Variants in OXSR1 observed in about 807,000 individuals in gnomAD.
The protein encoded by OXSR1 is oxidative stress responsive kinase 1.
Under a neutral mutation model 79.8 loss-of-function variants are expected in OXSR1, and 24 were observed. The ratio of observed to expected loss-of-function variants is 0.30; its 90% CI spans 0.22 to 0.42. OXSR1 has a LOEUF of 0.42. OXSR1 is among the 10% of genes least tolerant of loss of function. OXSR1 has a pLI of 1.00. For synonymous variants in OXSR1, 226 were observed against 209.2 expected, an observed-to-expected ratio of 1.08 and a Z score of -0.69; for missense variants, 430 against 618.4, an observed-to-expected ratio of 0.70 and a Z score of 3.23.
intron 13 of OXSR1, among the ~76,000 whole-genome samples, chr3:38,246,752 A>C (rs1157865648): frequency 6.6e-6 from 1 of 152,184 alleles, no homozygotes; most frequent in Non-Finnish European, 1.5e-5. Flanking sequence ...CTTCATTGAG[A>C]GCAGCCAAGT....
At chr3:38,212,429 T>A (rs1022486009) in intron 4 of OXSR1, among the ~76,000 whole-genome samples, 32 of 152,194 alleles carry the variant, frequency 2.1e-4, no homozygotes, top group African/African-American at 6.5e-4. Context: ...AAATCAGACT[T>A]TTCTCTCTGT....
chr3:38,200,088 G>A (rs1702136135), intron 4 of OXSR1, among the ~76,000 whole-genome samples: 1 of 152,184 alleles, frequency 6.6e-6, no homozygotes, highest in South Asian at 2.1e-4. Flanking sequence ...CCTACCGGCT[G>A]TACTGCATAT....
At chr3:38,180,525 CTT>C (rs35081111) in intron 1 of OXSR1, among the ~76,000 whole-genome samples, 12 of 108,968 alleles carry the variant, frequency 1.1e-4, no homozygotes, top group African/African-American at 2.5e-4. Flanking sequence ...ATAGCTCCAA[CTT>C]TTTTTTTTTT....
intron 3 of OXSR1, chr3:38,193,547 C>G: frequency 2.2e-6 from 1 of 458,738 alleles, no homozygotes. Flanking sequence ...AATAAATTGT[C>G]TGCTTAATTC....
chr3:38,165,579 T>TGGGGTGGA lies in OXSR1; in HGVS notation c.-295_-294insGTGGAGGG. 2.4e-6 allele frequency: 1 copy of TGGGGTGGA among 409,524 alleles called. No individual in the cohort carries two copies. Among genetic ancestry groups the TGGGGTGGA allele is most frequent in the Non-Finnish European group, 4.4e-6 (1 of 228,554 alleles). 25.4% of individuals were successfully genotyped at this position (409,524 alleles called of 1,614,324 possible). ...GGGGTGGAGGGCGGGACAGAGGGGC[T>TGGGGTGGA]GGGCCCAGGCAAAGCTTCTGTCGCT... is the stretch of plus-strand genomic sequence containing the variant. On this transcript the variant is annotated 5_prime_UTR_variant, in exon 1 of 18. Transcript: ENST00000311806.
At chr3:38,176,532 T>A (rs1443157565) in intron 1 of OXSR1, among the ~76,000 whole-genome samples, 2 of 152,228 alleles carry the variant, frequency 1.3e-5, no homozygotes, top group Non-Finnish European at 2.9e-5. Context: ...TAAAATACTT[T>A]TCAATTGCTG....
chr3:38,237,259 A>C (rs1239214246), intron 11 of OXSR1, among the ~76,000 whole-genome samples: 1 of 152,196 alleles, frequency 6.6e-6, no homozygotes, highest in African/African-American at 2.4e-5. Flanking sequence ...GCAGAAGAAA[A>C]GTTAGTGAAC....
intron 1 of OXSR1, among the ~76,000 whole-genome samples, chr3:38,168,411 G>C (rs1701509606): frequency 6.6e-6 from 1 of 151,992 alleles, no homozygotes; most frequent in Non-Finnish European, 1.5e-5. Flanking sequence ...CTATGGACTT[G>C]CCTTTTTTGG....
intron 4 of OXSR1, among the ~76,000 whole-genome samples, chr3:38,210,973 A>G (rs908729154): frequency 2.6e-5 from 4 of 152,192 alleles, no homozygotes; most frequent in African/African-American, 9.7e-5. Context: ...CACTATTATT[A>G]CATCTTTGCC....
chr3:38,202,977 C>G (rs1257985789), intron 4 of OXSR1, among the ~76,000 whole-genome samples: 1 of 152,180 alleles, frequency 6.6e-6, no homozygotes, highest in African/African-American at 2.4e-5. Context: ...TTGTAGAAGG[C>G]TGGATATTAT....
chr3:38,229,619 A>T (rs1036931875), intron 8 of OXSR1, 68 bp from the exon 9 acceptor site: 17 of 1,346,356 alleles, frequency 1.3e-5, no homozygotes, highest in Non-Finnish European at 1.6e-5. Context: ...CTCATTTTTG[A>T]TGATGGAATC....
intron 1 of OXSR1, among the ~76,000 whole-genome samples, chr3:38,169,415 C>T: frequency 6.6e-6 from 1 of 152,040 alleles, no homozygotes; most frequent in Non-Finnish European, 1.5e-5. Flanking sequence ...AAGCAACTCT[C>T]CTGCCTCAGC....
intron 14 of OXSR1, 50 bp from the exon 15 acceptor site, chr3:38,249,914 CTT>C (rs11340520): frequency 3.7e-6 from 4 of 1,089,572 alleles, no homozygotes; most frequent in Admixed American, 1.8e-5. Context: ...GGCAGAATCT[CTT>C]TGCATAAATT....
chr3:38,247,412 G>A (rs908023332), intron 13 of OXSR1, among the ~76,000 whole-genome samples: 39 of 152,164 alleles, frequency 2.6e-4, no homozygotes, highest in African/African-American at 9.2e-4. Context: ...AAATGTAAAT[G>A]TGGCTATATG....
At chr3:38,199,841 C>T (rs1333296213) in intron 4 of OXSR1, among the ~76,000 whole-genome samples, 3 of 152,154 alleles carry the variant, frequency 2.0e-5, no homozygotes, top group South Asian at 2.1e-4. Flanking sequence ...TCAGGACTCA[C>T]GGGTCTGTGA....
intron 3 of OXSR1, among the ~76,000 whole-genome samples, chr3:38,196,345 C>T (rs182379508): frequency 1.3e-5 from 2 of 152,146 alleles, no homozygotes; most frequent in East Asian, 3.9e-4. Flanking sequence ...TTATAAACAC[C>T]GTCATCGAGT....
intron 14 of OXSR1, among the ~76,000 whole-genome samples, chr3:38,248,338 G>GCCCCCC (rs34969862): frequency 2.6e-4 from 18 of 69,594 alleles, no homozygotes; most frequent in African/African-American, 7.6e-4. Flanking sequence ...TCCCTGCCCC[G>GCCCCCC]CCCCCCCCGC....
intron 8 of OXSR1, among the ~76,000 whole-genome samples, chr3:38,227,588 A>ACACAC: frequency 7.4e-6 from 1 of 134,266 alleles, no homozygotes; most frequent in East Asian, 2.2e-4. Flanking sequence ...CACACACACA[A>ACACAC]ATGTACGTAT....
At chr3:38,225,742 G>C in intron 8 of OXSR1, among the ~76,000 whole-genome samples, 1 of 152,134 alleles carries the variant, frequency 6.6e-6, no homozygotes, top group African/African-American at 2.4e-5. Context: ...GAAGCCCTAA[G>C]TTAAAGAAGA....
Sources: allele counts gnomAD v4.1 joint callset (sites outside exome capture counted in the v4.1 genomes callset), GRCh38; gene constraint gnomAD v4.1.1; transcripts MANE v1.5; gene names NCBI Gene and HGNC (gene_info 2026-07-23, HGNC 2026-07-21).